The following TRPM3 variants were observed in gnomAD, a reference collection of about 807,000 sequenced individuals.
TRPM3 encodes transient receptor potential cation channel subfamily M member 3, also known as long transient receptor potential channel 3.
A neutral mutation model predicts 181.2 loss-of-function variants in TRPM3; 77 were observed. The ratio of observed to expected loss-of-function variants is 0.42; its 90% confidence interval spans 0.35 to 0.51. The LOEUF is 0.51. Among genes scored for constraint, TRPM3 ranks in the 20% least tolerant of loss-of-function variants. The pLI, the probability that TRPM3 is intolerant of heterozygous loss-of-function variation, is 0.01. For missense variants in TRPM3, 1,759 were observed against 2,196.7 expected (o/e 0.80, Z 3.98); for synonymous variants, 745 against 796.4 (o/e 0.94, Z 1.09).
chr9:71,383,498 A>G (rs2092852352), intron 1 of TRPM3, among the ~76,000 whole-genome samples: 1 of 152,092 alleles, frequency 6.6e-6, no homozygotes, highest in Non-Finnish European at 1.5e-5. Flanking sequence ...CCTGCTAATT[A>G]GGCTTCTCTA....
intron 1 of TRPM3, among the ~76,000 whole-genome samples, chr9:70,894,551 G>A (rs1162756410): frequency 1.3e-5 from 2 of 152,130 alleles, no homozygotes; most frequent in Admixed American, 1.3e-4. Context: ...CATGTACCAG[G>A]CACTGCTTTA....
At chr9:70,939,845 T>C (rs905773538) in intron 1 of TRPM3, among the ~76,000 whole-genome samples, 3 of 152,204 alleles carry the variant, frequency 2.0e-5, no homozygotes, top group Non-Finnish European at 4.4e-5. Flanking sequence ...ACATAAGATG[T>C]TGCTCCTTGA....
chr9:71,266,673 A>T (rs187558817), intron 1 of TRPM3, among the ~76,000 whole-genome samples: 2 of 152,226 alleles, frequency 1.3e-5, no homozygotes, highest in Non-Finnish European at 2.9e-5. Context: ...ATAATACAGT[A>T]TTGTTGACTG....
intron 1 of TRPM3, among the ~76,000 whole-genome samples, chr9:71,133,001 A>G (rs2074467154): frequency 6.6e-6 from 1 of 152,122 alleles, no homozygotes; most frequent in South Asian, 2.1e-4. Context: ...TATTTCCTTA[A>G]GATACAATTT....
At chr9:71,079,098 T>C (rs615214) in intron 1 of TRPM3, among the ~76,000 whole-genome samples, 34,669 of 152,088 alleles carry the variant, frequency 0.23, 4,663 homozygotes, top group East Asian at 0.33. Context: ...GGTGACAAGC[T>C]GCTGTGTTGA....
At chr9:70,803,046 A>C (rs970959757) in intron 6 of TRPM3, among the ~76,000 whole-genome samples, 1 of 142,380 alleles carries the variant, frequency 7.0e-6, no homozygotes, top group African/African-American at 2.9e-5. Flanking sequence ...AAAAAAAAAA[A>C]AAAAAAAAAA....
intron 3 of TRPM3, among the ~76,000 whole-genome samples, chr9:70,848,976 CAAAAAAAAA>C (rs749477799): frequency 8.4e-5 from 1 of 11,976 alleles, no homozygotes; most frequent in South Asian, 6.0e-3. Flanking sequence ...GACTCCGTCT[CAAAAAAAAA>C]AAAAAAAAAA....
At chr9:71,320,579 C>T (rs1232862495) in intron 1 of TRPM3, among the ~76,000 whole-genome samples, 1 of 152,172 alleles carries the variant, frequency 6.6e-6, no homozygotes, top group Admixed American at 6.5e-5. Context: ...TTGTTCATCT[C>T]CTTTGCAGGA....
chr9:70,935,408 G>C (rs1009789753), intron 1 of TRPM3, among the ~76,000 whole-genome samples: 7 of 152,180 alleles, frequency 4.6e-5, no homozygotes, highest in African/African-American at 1.7e-4. Context: ...ATGAAGTAAA[G>C]AATGAATGCT....
chr9:70,838,996 C>A (rs940571747), intron 5 of TRPM3, among the ~76,000 whole-genome samples: 35 of 152,098 alleles, frequency 2.3e-4, no homozygotes, highest in Non-Finnish European at 2.9e-5. Context: ...ACCGCCACAC[C>A]CAACAGGCCG....
At position 70,625,617 on chromosome 9, in the gene TRPM3, A is replaced by C. The variant is rs1212176132; in HGVS notation, c.1633-100T>G. 5 of 1,213,580 alleles carry C rather than the reference A, an allele frequency of 4.1e-6. No homozygotes were observed. The East Asian group carries it at 1.2e-4, about 29-fold the overall frequency. 75.2% of individuals were successfully genotyped at this position (1,213,580 alleles called of 1,614,324 possible). On this transcript the variant is annotated intron_variant, in intron 12 of 25. Coordinates refer to ENST00000677713, the MANE Select transcript of TRPM3 (RefSeq NM_001366145.2). This position sits in a 1 kb window ranked among gnomAD's most constrained non-coding sequence, Gnocchi z 4.8. ...CAAGTCTTCAGCTGGGGAGAAAAAA[A>C]CACCAGTGTAGAAGAAAGAAACACA...
chr9:71,139,424 C>G (rs1587603003), intron 1 of TRPM3, among the ~76,000 whole-genome samples: 1 of 152,140 alleles, frequency 6.6e-6, no homozygotes, highest in Non-Finnish European at 1.5e-5. Context: ...AGAAAAACCA[C>G]TGTTTACATT....
chr9:70,761,538 G>C (rs777246462), intron 8 of TRPM3, 63 bp downstream of exon 8: 2 of 1,609,594 alleles, frequency 1.2e-6, no homozygotes, highest in Admixed American at 1.7e-5. Context: ...AGAAAATGTT[G>C]TGTGATTCAA....
chr9:70,882,605 A>T (rs2132710653), intron 1 of TRPM3, among the ~76,000 whole-genome samples: 1 of 152,258 alleles, frequency 6.6e-6, no homozygotes, highest in Non-Finnish European at 1.5e-5. Flanking sequence ...GTATTCTGGA[A>T]CACATTGCCT....
chr9:71,420,784 AG>A, intron 1 of TRPM3, among the ~76,000 whole-genome samples: 2 of 106,306 alleles, frequency 1.9e-5, no homozygotes, highest in Non-Finnish European at 4.1e-5. Flanking sequence ...AGAAAGAGAG[AG>A]AAAGAGAGAG....
At chr9:71,023,160 T>C (rs1389940726) in intron 1 of TRPM3, among the ~76,000 whole-genome samples, 2 of 152,036 alleles carry the variant, frequency 1.3e-5, no homozygotes, top group Non-Finnish European at 2.9e-5. Flanking sequence ...AAATAAACAA[T>C]TCAATTAGAA....
intron 6 of TRPM3, among the ~76,000 whole-genome samples, chr9:70,786,846 C>T (rs1282921879): frequency 6.6e-6 from 1 of 152,114 alleles, no homozygotes; most frequent in East Asian, 1.9e-4. Context: ...TCTTCTAAGA[C>T]ATCCTAGAAT....
intron 1 of TRPM3, among the ~76,000 whole-genome samples, chr9:70,965,162 C>T (rs536436387): frequency 1.6e-4 from 25 of 152,062 alleles, no homozygotes; most frequent in African/African-American, 5.8e-4. Flanking sequence ...AACTCATGGG[C>T]ATTTTCCTTT....
chr9:71,245,777 T>G lies in TRPM3; in HGVS notation c.183+200876A>C, dbSNP rs370825035. On this transcript the variant is annotated intron_variant, in intron 1 of 24. Coordinates refer to the TRPM3 transcript ENST00000357533. ...TGATTTAAATGTGTCATGATTTGAATGTGGATAACTAAAGGATTGTGGCTT... is the reference window on the plus strand; with the variant it reads ...TGATTTAAATGTGTCATGATTTGAAGGTGGATAACTAAAGGATTGTGGCTT... Among the ~76,000 whole-genome samples, 29 of 152,246 alleles carry G rather than the reference T, an allele frequency of 1.9e-4. No individual in the cohort carries two copies. In the South Asian group the frequency reaches 6.0e-3, roughly 32 times the overall value.
Sources: allele counts gnomAD v4.1 joint callset (sites outside exome capture counted in the v4.1 genomes callset), GRCh38; gene constraint gnomAD v4.1.1; non-coding constraint Gnocchi (gnomAD v3.1); transcripts MANE v1.5; gene names NCBI Gene and HGNC (gene_info 2026-07-23, HGNC 2026-07-21).